SND1: variants seen among roughly 807,000 people sequenced by gnomAD.
SND1 encodes staphylococcal nuclease domain-containing protein 1.
Under a neutral mutation model 121.7 loss-of-function variants are expected in SND1, and 38 were observed. The ratio of observed to expected loss-of-function variants is 0.31; its 90% CI spans 0.24 to 0.41. SND1 has a LOEUF of 0.41. Among genes scored for constraint, SND1 ranks in the 10% least tolerant of loss-of-function variants. SND1 has a pLI of 1.00. For missense variants in SND1, 868 were observed against 1,184.6 expected (o/e 0.73, Z 3.92); for synonymous variants, 401 against 447.4 (o/e 0.90, Z 1.31).
intron 17 of SND1, among the ~76,000 whole-genome samples, chr7:128,077,373 C>T (rs1168254031): frequency 6.6e-6 from 1 of 152,230 alleles, no homozygotes; most frequent in Non-Finnish European, 1.5e-5. Flanking sequence ...CATTCCTGAC[C>T]TGCCTGGTCT....
intron 12 of SND1, among the ~76,000 whole-genome samples, chr7:127,883,750 G>A (rs1799842167): frequency 6.6e-6 from 1 of 152,170 alleles, no homozygotes; most frequent in Non-Finnish European, 1.5e-5. Flanking sequence ...TAGAGGTCAT[G>A]TCACTCTAGT....
intron 1 of SND1, among the ~76,000 whole-genome samples, chr7:127,680,242 G>A (rs1027833299): frequency 6.6e-6 from 1 of 152,168 alleles, no homozygotes; most frequent in East Asian, 1.9e-4. Flanking sequence ...GAGGCAGGGC[G>A]AGATCACAGG....
At chr7:127,955,133 TG>T (rs982611293) in intron 15 of SND1, among the ~76,000 whole-genome samples, 1 of 152,202 alleles carries the variant, frequency 6.6e-6, no homozygotes, top group African/African-American at 2.4e-5. Flanking sequence ...CTTCTCTGTG[TG>T]GGTGACGTCC....
intron 12 of SND1, among the ~76,000 whole-genome samples, chr7:127,866,649 A>G (rs1032671929): frequency 6.6e-6 from 1 of 152,070 alleles, no homozygotes; most frequent in Non-Finnish European, 1.5e-5. Context: ...TTGCTGCATA[A>G]TACTCCTGGA....
At chr7:127,834,496 G>T (rs1183161402) in intron 11 of SND1, among the ~76,000 whole-genome samples, 1 of 152,180 alleles carries the variant, frequency 6.6e-6, no homozygotes, top group African/African-American at 2.4e-5. Flanking sequence ...TACAATGCAG[G>T]ATGGTCTTTG....
intron 16 of SND1, among the ~76,000 whole-genome samples, chr7:128,045,357 C>A (rs1220081075): frequency 1.3e-5 from 2 of 152,200 alleles, no homozygotes; most frequent in East Asian, 3.9e-4. Flanking sequence ...AGGGCTCTCT[C>A]CTGTCATCAG....
chr7:127,766,142 C>A (rs111504003), intron 10 of SND1, among the ~76,000 whole-genome samples: 1 of 152,194 alleles, frequency 6.6e-6, no homozygotes, highest in East Asian at 1.9e-4. Flanking sequence ...CATGTGAGGA[C>A]GCCACACTCC....
At chr7:128,090,592 G>A (rs1290094834) in intron 22 of SND1, among the ~76,000 whole-genome samples, 1 of 152,196 alleles carries the variant, frequency 6.6e-6, no homozygotes, top group Non-Finnish European at 1.5e-5. Flanking sequence ...TGTTCCTTCA[G>A]AGACAGGGGC....
intron 12 of SND1, among the ~76,000 whole-genome samples, chr7:127,877,720 A>C (rs935276117): frequency 7.9e-5 from 12 of 152,036 alleles, no homozygotes; most frequent in African/African-American, 2.9e-4. Context: ...GACATGAGCT[A>C]CCGCGTCCAG....
intron 14 of SND1, among the ~76,000 whole-genome samples, chr7:127,907,326 A>G (rs1800361089): frequency 6.6e-6 from 1 of 152,170 alleles, no homozygotes; most frequent in Admixed American, 6.6e-5. Flanking sequence ...CTGCTTCCTG[A>G]AGCATGCTGG....
chr7:128,070,923 G>A (rs1020332864), intron 16 of SND1, among the ~76,000 whole-genome samples: 1 of 152,114 alleles, frequency 6.6e-6, no homozygotes, highest in Non-Finnish European at 1.5e-5. Context: ...GTCATCTGGC[G>A]GGGCACATTT....
At chr7:127,676,493 G>A (rs565976376) in intron 1 of SND1, among the ~76,000 whole-genome samples, 6 of 152,140 alleles carry the variant, frequency 3.9e-5, no homozygotes, top group Non-Finnish European at 8.8e-5. Context: ...TGGTTGTTCC[G>A]TTAGCCACAC....
chr7:127,718,441 A>C (rs975428726), intron 9 of SND1: 19 of 324,434 alleles, frequency 5.9e-5, no homozygotes, highest in Non-Finnish European at 7.5e-5. Context: ...TAATGACACA[A>C]TTTACAGAGG....
At chr7:127,658,631 A>G (rs545596697) in intron 1 of SND1, among the ~76,000 whole-genome samples, 1 of 152,348 alleles carries the variant, frequency 6.6e-6, no homozygotes, top group Admixed American at 6.5e-5. Flanking sequence ...TGTGTTAGTG[A>G]AAAGCAAAGT....
intron 16 of SND1, among the ~76,000 whole-genome samples, chr7:128,005,262 C>G (rs1438995613): frequency 6.6e-6 from 1 of 152,180 alleles, no homozygotes; most frequent in Non-Finnish European, 1.5e-5. Flanking sequence ...AGGGGCCCTC[C>G]GTAGCCAGCC....
chr7:127,952,523 T>G (rs778702810), intron 15 of SND1, among the ~76,000 whole-genome samples: 1 of 150,948 alleles, frequency 6.6e-6, no homozygotes, highest in African/African-American at 2.5e-5. Flanking sequence ...TTAGGAACTC[T>G]GAGCTTTCTT....
At chr7:127,735,196 A>G (rs1796752558) in intron 10 of SND1, among the ~76,000 whole-genome samples, 1 of 152,126 alleles carries the variant, frequency 6.6e-6, no homozygotes, top group African/African-American at 2.4e-5. Flanking sequence ...TGCCTCCAAA[A>G]GTGCCACCTG....
chr7:128,055,146 GT>G (rs1177405424), intron 16 of SND1, among the ~76,000 whole-genome samples: 1 of 152,186 alleles, frequency 6.6e-6, no homozygotes, highest in African/African-American at 2.4e-5. Context: ...GAAGGATTTT[GT>G]TTTGGTCAGA....
intron 22 of SND1, among the ~76,000 whole-genome samples, chr7:128,090,473 C>T (rs1034284889): frequency 1.3e-5 from 2 of 152,158 alleles, no homozygotes; most frequent in Admixed American, 1.3e-4. Context: ...GCTGAATCAG[C>T]GAACCATCCA....
Sources: allele counts gnomAD v4.1 joint callset (sites outside exome capture counted in the v4.1 genomes callset), GRCh38; gene constraint gnomAD v4.1.1; transcripts MANE v1.5; gene names NCBI Gene and HGNC (gene_info 2026-07-23, HGNC 2026-07-21).